The following SLC22A25 variants were observed in gnomAD, a reference collection of about 807,000 sequenced individuals.
SLC22A25 encodes MGI:2442751, MGI:2385316, MGI:3042283, MGI:3645714, MGI:3605624, MGI:2442750.
In SLC22A25, 44 loss-of-function variants were observed where a neutral mutation model predicts 45.9. That is an observed-to-expected ratio of 0.96 (90% CI 0.75 to 1.23). The LOEUF (loss-of-function observed/expected upper bound fraction) is 1.23, where lower values mean the gene tolerates loss of function less well. SLC22A25 is among the 50% of genes most tolerant of loss of function. The pLI is 0.00. For missense variants in SLC22A25, 800 were observed against 666.4 expected (o/e 1.20, Z -2.21); for synonymous variants, 283 against 238.6 (o/e 1.19, Z -1.72).
intron 3 of SLC22A25, among the ~76,000 whole-genome samples, chr11:63,232,783 C>T (rs1190552477): frequency 1.3e-5 from 2 of 152,224 alleles, no homozygotes; most frequent in East Asian, 1.9e-4. Context: ...TCATAAATAG[C>T]TCTTATTATT....
intron 10 of SLC22A25, among the ~76,000 whole-genome samples, chr11:63,165,112 T>C (rs1176209038): frequency 6.6e-6 from 1 of 152,214 alleles, no homozygotes; most frequent in Non-Finnish European, 1.5e-5. Flanking sequence ...ACAGGGTTCC[T>C]ATGTTAAAGG....
chr11:63,218,287 G>T, intron 5 of SLC22A25: 1 of 317,946 alleles, frequency 3.1e-6, no homozygotes, highest in South Asian at 2.9e-5. Flanking sequence ...TTATAAGGGG[G>T]AGCTAAACGT....
At chr11:63,176,536 T>A (rs188048727) in intron 9 of SLC22A25, among the ~76,000 whole-genome samples, 2 of 152,006 alleles carry the variant, frequency 1.3e-5, no homozygotes, top group African/African-American at 4.8e-5. Flanking sequence ...AAAACACAAC[T>A]GATTTTTAAG....
intron 7 of SLC22A25, among the ~76,000 whole-genome samples, chr11:63,184,088 A>G (rs1480787827): frequency 6.6e-6 from 1 of 152,114 alleles, no homozygotes; most frequent in Non-Finnish European, 1.5e-5. Flanking sequence ...CTGATGCTGA[A>G]GCATGAGGAA....
chr11:63,217,242 T>C, intron 7 of SLC22A25, 72 bp downstream of exon 7: 1 of 1,530,082 alleles, frequency 6.5e-7, no homozygotes, highest in South Asian at 1.3e-5. Flanking sequence ...TCAAATGGAA[T>C]TCATGTCCTC....
chr11:63,233,733 G>A (rs1479255259), intron 3 of SLC22A25, among the ~76,000 whole-genome samples: 2 of 152,168 alleles, frequency 1.3e-5, no homozygotes, highest in African/African-American at 4.8e-5. Flanking sequence ...ATGTTAGGGT[G>A]TCAATTTTAG....
Position 63,160,874 on chromosome 11 carries a change from C to A in SLC22A25, c.*2950G>T, listed in dbSNP as rs879658699. 6.6e-6 allele frequency among the ~76,000 whole-genome samples: 1 copy of A among 152,130 alleles called. No homozygotes were observed. Among genetic ancestry groups the A allele is most frequent in the African/African-American group, 2.4e-5 (1 of 41,420 alleles). On this transcript the variant is annotated 3_prime_UTR_variant, in exon 12 of 12. Coordinates refer to ENST00000306494, the MANE Select transcript of SLC22A25 (RefSeq NM_199352.6). ...GGAGCTTTAAGATTGGACTTCCCTG[C>A]TGGATTTTGGAATTGTATGGGGCCT... is the stretch of plus-strand genomic sequence containing the variant.
chr11:63,217,133 T>G (rs908202156), intron 7 of SLC22A25, among the ~76,000 whole-genome samples, 181 bp downstream of exon 7: 2 of 152,228 alleles, frequency 1.3e-5, no homozygotes, highest in Admixed American at 1.3e-4. Context: ...CAAATTTAAT[T>G]AACTGTCCTT....
chr11:63,236,282 G>T (rs1483401750), intron 3 of SLC22A25, among the ~76,000 whole-genome samples: 1 of 152,198 alleles, frequency 6.6e-6, no homozygotes, highest in Non-Finnish European at 1.5e-5. Context: ...GAGATGTGGT[G>T]GGCTCCACCC....
chr11:63,214,352 C>T (rs555106170), intron 7 of SLC22A25, among the ~76,000 whole-genome samples: 152 of 152,222 alleles, frequency 1.0e-3, no homozygotes, highest in Non-Finnish European at 1.6e-3. Context: ...AACAGTGGTG[C>T]TTTCTATTAA....
At chr11:63,212,952 T>G (rs1193647) in intron 7 of SLC22A25, among the ~76,000 whole-genome samples, 2 of 152,200 alleles carry the variant, frequency 1.3e-5, no homozygotes, top group Admixed American at 6.5e-5. Context: ...CTCCAAGGAA[T>G]AGAGAGGCTT....
chr11:63,233,777 C>T (rs1043963722), intron 3 of SLC22A25, among the ~76,000 whole-genome samples: 8 of 152,170 alleles, frequency 5.3e-5, no homozygotes, highest in Non-Finnish European at 1.0e-4. Context: ...GCATTTAGTG[C>T]TATAAATTTC....
rs538842196 is a variant in SLC22A25 at position 63,173,381 on chromosome 11, T to C, written c.1071-7123A>G. On this transcript the variant is annotated intron_variant, in intron 9 of 11. Transcript: ENST00000306494. ...CACATGTATCCCAGAACTTAAAGTA[T>C]AATTTTAAAAAAGAGGCAGTCAATA... Among the ~76,000 whole-genome samples, 38 of 152,322 alleles carry C rather than the reference T, an allele frequency of 2.5e-4. 1 individual carries two copies. Among genetic ancestry groups the C allele is most frequent in the Admixed American group, 2.0e-3 (31 of 15,288 alleles).
chr11:63,205,816 C>A (rs1450587218), intron 7 of SLC22A25, among the ~76,000 whole-genome samples: 1 of 149,250 alleles, frequency 6.7e-6, no homozygotes, highest in Non-Finnish European at 1.5e-5. Context: ...AGGCCAGCAT[C>A]ATCCTGATAC....
intron 5 of SLC22A25, among the ~76,000 whole-genome samples, chr11:63,225,740 C>T (rs1783653): frequency 0.98 from 149,026 of 152,258 alleles, 72,977 homozygotes; most frequent in East Asian, 1. Flanking sequence ...TCTCTCTCTG[C>T]CTTCTCGAAG....
intron 7 of SLC22A25, among the ~76,000 whole-genome samples, chr11:63,192,994 A>T (rs1446974168): frequency 6.6e-6 from 1 of 152,224 alleles, no homozygotes; most frequent in South Asian, 2.1e-4. Context: ...CCTGACATGT[A>T]TCTGAAGAAC....
Position 63,185,559 on chromosome 11 carries a change from A to G in SLC22A25, c.831-1742T>C, listed in dbSNP as rs944895165. On this transcript the variant is annotated intron_variant, in intron 7 of 11. Transcript: ENST00000306494. ...ATTTTTTATTTATTTATTTATTAAT[A>G]TACTTTAAGTTTTAGGGTACATGTG... 3.0e-5 allele frequency among the ~76,000 whole-genome samples: 4 copies of G among 132,750 alleles called. No homozygotes were observed. The East Asian group carries it at 6.9e-4, about 23-fold the overall frequency. 87.1% of individuals were successfully genotyped at this position (132,750 alleles called of 152,430 possible). A position where few individuals can be genotyped will look rare whatever the true frequency, so the allele number is the denominator to read the frequency against.
chr11:63,217,433 T>C lies in SLC22A25; in HGVS notation c.711A>G (p.Thr237=), dbSNP rs1565113437. The change falls in exon 7 of 12, where the codon ACA becomes ACG. Residue 237 remains threonine (T), a synonymous_variant. Transcript: ENST00000306494. ...HQFCAMALTL[T]LCAASIGHIT... is the part of the protein sequence containing the mutation. Reference sequence around the variant, plus strand: ...TATGTCCAATACTAGCAGCACAAAGTGTCAATGTCAATGCCATGGCACAGA... The same window carrying C: ...TATGTCCAATACTAGCAGCACAAAGCGTCAATGTCAATGCCATGGCACAGA... 2 of 1,613,914 alleles carry C rather than the reference T, an allele frequency of 1.2e-6. No homozygotes were observed. The highest frequency in any genetic ancestry group is 1.7e-6 in the Non-Finnish European group (2 of 1,179,916).
intron 8 of SLC22A25, among the ~76,000 whole-genome samples, chr11:63,182,265 T>G (rs962083981): frequency 1.3e-5 from 2 of 152,090 alleles, no homozygotes; most frequent in Admixed American, 6.6e-5. Flanking sequence ...GCCATTCACT[T>G]TGAGATAATG....
Sources: allele counts gnomAD v4.1 joint callset (sites outside exome capture counted in the v4.1 genomes callset), GRCh38; gene constraint gnomAD v4.1.1; transcripts MANE v1.5; gene names NCBI Gene and HGNC (gene_info 2026-07-23, HGNC 2026-07-21).